CORO2B: variants seen among roughly 807,000 people sequenced by gnomAD.
CORO2B encodes the protein coronin-2B.
A neutral mutation model predicts 58.8 loss-of-function variants in CORO2B; 26 were observed. That is an observed-to-expected ratio of 0.44 (90% CI 0.32 to 0.61). The LOEUF is 0.61. Among genes scored for constraint, CORO2B ranks in the 20% least tolerant of loss-of-function variants. CORO2B has a pLI of 0.04. For missense variants in CORO2B, 460 were observed against 645.1 expected (o/e 0.71, Z 3.11); for synonymous variants, 242 against 253.8 (o/e 0.95, Z 0.44).
the CORO2B span, among the ~76,000 whole-genome samples, chr15:68,551,795 T>G: frequency 2.6e-5 from 4 of 152,182 alleles, no homozygotes; most frequent in Admixed American, 2.0e-4. Context: ...AATGACAAAT[T>G]AATACTTTTC....
chr15:68,590,283 G>A (rs768192321), intron 1 of CORO2B, among the ~76,000 whole-genome samples: 5 of 150,744 alleles, frequency 3.3e-5, no homozygotes, highest in Non-Finnish European at 7.4e-5. Flanking sequence ...CAGCCTGGGA[G>A]CCACAAACTC....
At chr15:68,521,842 A>G in the CORO2B span, among the ~76,000 whole-genome samples, 1 of 151,834 alleles carries the variant, frequency 6.6e-6, no homozygotes, top group Non-Finnish European at 1.5e-5. Context: ...CCCAGGCTCA[A>G]GCAAGTAGAT....
intron 1 of CORO2B, among the ~76,000 whole-genome samples, chr15:68,627,311 C>G (rs58813791): frequency 6.6e-6 from 1 of 152,106 alleles, no homozygotes; most frequent in Non-Finnish European, 1.5e-5. Flanking sequence ...GAGTTAGACC[C>G]GAACACAGGA....
chr15:68,671,108 C>T (rs373933999), intron 2 of CORO2B, among the ~76,000 whole-genome samples: 12 of 152,244 alleles, frequency 7.9e-5, no homozygotes, highest in East Asian at 3.9e-4. Flanking sequence ...AGGAATACAA[C>T]GCAGCCGTGA....
Position 68,710,801 on chromosome 15 carries a change from G to A in CORO2B, c.403G>A (p.Gly135Arg), listed in dbSNP as rs1302425549. The change falls in exon 4 of 12, where the codon GGG becomes AGG. Residue 135 changes from glycine to arginine, a missense_variant. By Grantham distance (125) the Gly-to-Arg change is moderately radical. This residue lies in a region of CORO2B where 352 missense variants were observed against 543.0 expected (regional missense o/e 0.65). Transcript: ENST00000261861. This position sits in a 1 kb window ranked among gnomAD's most constrained non-coding sequence, Gnocchi z 4.1. ...GACGGAGGCGCTCCTGGAGCTGCACGGGCACAGCCGGCGTGTGGGGCTGGT... is the reference window on the plus strand; with the variant it reads ...GACGGAGGCGCTCCTGGAGCTGCACAGGCACAGCCGGCGTGTGGGGCTGGT... ...NMTEALLELH[G>R]HSRRVGLVEW... The A allele has an allele frequency of 1.2e-6, 2 of 1,612,318 alleles. No individual in the cohort carries two copies. Among genetic ancestry groups the A allele is most frequent in the Non-Finnish European group, 1.7e-6 (2 of 1,179,426 alleles).
chr15:68,578,567 C>A (rs1438477132), upstream of CORO2B, among the ~76,000 whole-genome samples: 1 of 152,046 alleles, frequency 6.6e-6, no homozygotes, highest in African/African-American at 2.4e-5. This position sits in a 1 kb window ranked among gnomAD's most constrained non-coding sequence, Gnocchi z 4.2. Flanking sequence ...CCCAGCCCGC[C>A]GCGCCACACT....
At position 68,598,157 on chromosome 15, in the gene CORO2B, C is replaced by T. The variant is rs563546847; in HGVS notation, c.15+18880C>T. The stretch of plus-strand genomic sequence containing the variant: ...TTTTCACTGTTTCAGAGAATCGGAT[C>T]CCAGAGGCTGAAGCTCAGTGCCCTG... On this transcript the variant is annotated intron_variant, in intron 1 of 11. Coordinates refer to ENST00000261861, the MANE Select transcript of CORO2B (RefSeq NM_006091.5). Among the ~76,000 whole-genome samples, 12 of 152,334 alleles carry T rather than the reference C, an allele frequency of 7.9e-5. 1 individual carries two copies. The East Asian group carries it at 2.3e-3, about 29-fold the overall frequency.
At chr15:68,725,193 A>C (rs1020391534) in intron 11 of CORO2B, among the ~76,000 whole-genome samples, 6 of 152,072 alleles carry the variant, frequency 3.9e-5, no homozygotes, top group Non-Finnish European at 7.4e-5. Flanking sequence ...ACATGGTGAA[A>C]CCCAGTCTCT....
At chr15:68,605,676 G>T (rs1178489540) in intron 1 of CORO2B, among the ~76,000 whole-genome samples, 1 of 147,782 alleles carries the variant, frequency 6.8e-6, no homozygotes, top group Non-Finnish European at 1.5e-5. Context: ...ACAGGACCTA[G>T]AAGTGGGCTG....
intron 8 of CORO2B, among the ~76,000 whole-genome samples, chr15:68,715,864 C>T (rs1372400758): frequency 6.6e-6 from 1 of 152,200 alleles, no homozygotes; most frequent in African/African-American, 2.4e-5. Context: ...AGTCTTACAA[C>T]CAATTTTCCT....
At chr15:68,627,580 G>A (rs967362450) in intron 1 of CORO2B, among the ~76,000 whole-genome samples, 1 of 152,192 alleles carries the variant, frequency 6.6e-6, no homozygotes, top group African/African-American at 2.4e-5. Flanking sequence ...TATAGCATAA[G>A]GAGCTCGTGG....
rs765428327 is a variant in CORO2B at position 68,711,652 on chromosome 15, G to A, written c.594G>A (p.Thr198=). The change falls in exon 5 of 12, where the codon ACG becomes ACA. Residue 198 remains threonine, a synonymous_variant. Transcript: ENST00000261861. ...CGGACGGCAGCCTGCTCACCACCAC[G>A]TGCAAGGACAAGAAGCTGCGTGTGA... ...FNTDGSLLTT[T]CKDKKLRVIE... 14 of 1,613,956 alleles carry A rather than the reference G, an allele frequency of 8.7e-6. No individual in the cohort carries two copies. Among genetic ancestry groups the A allele is most frequent in the Admixed American group, 3.3e-5 (2 of 59,990 alleles).
rs116899626 is a variant in CORO2B, at chr15:68,640,304, C to T, written c.16-4856C>T. ...CACATTCCCCCTGCCCTCTCCTCTC[C>T]TTTCGCATGCTTTACCAAAGCCAAG... is the stretch of plus-strand genomic sequence containing the variant. On this transcript the variant is annotated intron_variant, in intron 1 of 11. Coordinates refer to ENST00000261861, the MANE Select transcript of CORO2B (RefSeq NM_006091.5). Among the ~76,000 whole-genome samples the T allele has an allele frequency of 3.7e-4, 57 of 152,312 alleles. 1 individual carries two copies. The East Asian group carries it at 0.011, about 29-fold the overall frequency.
intron 2 of CORO2B, among the ~76,000 whole-genome samples, chr15:68,650,897 A>G (rs1346741356): frequency 6.6e-6 from 1 of 152,208 alleles, no homozygotes; most frequent in Non-Finnish European, 1.5e-5. Flanking sequence ...GAGGGGCCCC[A>G]TCCGCTAGGT....
At chr15:68,589,097 G>A (rs932350185) in intron 1 of CORO2B, among the ~76,000 whole-genome samples, 2 of 152,184 alleles carry the variant, frequency 1.3e-5, no homozygotes, top group African/African-American at 4.8e-5. Context: ...GATTGAGGCT[G>A]TTTCAGGGCT....
At position 68,719,565 on chromosome 15, in the gene CORO2B, AGTT is replaced by A. The variant is rs750367796; in HGVS notation, c.1311+14_1311+16del. 6.2e-7 allele frequency: 1 copy of A among 1,609,662 alleles called. No individual in the cohort carries two copies. Among genetic ancestry groups the A allele is most frequent in the Non-Finnish European group, 8.5e-7 (1 of 1,178,582 alleles). ...GACAGAGAATGAGGTAAGGAATGTA[AGTT>A]ATTACCTCCACAGGCCCTGGAAGAG... On this transcript the variant is annotated intron_variant, in intron 11 of 11. Transcript: ENST00000261861.
In CORO2B at chr15:68,678,130, A is replaced by G. The variant is rs80034112; in HGVS notation, c.217-17010A>G. On this transcript the variant is annotated intron_variant, in intron 2 of 11. Transcript: ENST00000261861. ...GACTTTCCCCCCAGATGACTTGTAC[A>G]GCACCCGTGCCACTGGCTGCTGGCT... Among the ~76,000 whole-genome samples the G allele has an allele frequency of 1.1e-3, 172 of 152,326 alleles. 2 individuals carry two copies. In the East Asian group the frequency reaches 0.028, roughly 25 times the overall value.
At chr15:68,537,375 C>T in the CORO2B span, among the ~76,000 whole-genome samples, 1 of 152,132 alleles carries the variant, frequency 6.6e-6, no homozygotes, top group African/African-American at 2.4e-5. Flanking sequence ...TAGGCAATAG[C>T]ATGGGCACTC....
At chr15:68,658,313 C>G (rs11634534) in intron 2 of CORO2B, among the ~76,000 whole-genome samples, 1 of 131,292 alleles carries the variant, frequency 7.6e-6, no homozygotes, top group Non-Finnish European at 1.6e-5. Flanking sequence ...AGGAGGAGGG[C>G]GAGATGCATG....
Sources: gnomAD v4.1 joint callset for allele counts (sites outside exome capture counted in the v4.1 genomes callset) on GRCh38, gnomAD v4.1.1 for gene constraint, gnomAD v4.1.1 regional missense constraint, Gnocchi (gnomAD v3.1) non-coding constraint, MANE v1.5 for transcripts, NCBI Gene and HGNC (gene_info 2026-07-23, HGNC 2026-07-21) for gene names.